The following CHD6 variants were observed in gnomAD, a reference collection of about 807,000 sequenced individuals.
CHD6 encodes the protein chromodomain helicase DNA binding protein 6, also known as ATP-dependent chromatin remodeler CHD6.
Under a neutral mutation model 276.9 loss-of-function variants are expected in CHD6, and 50 were observed. The ratio of observed to expected loss-of-function variants is 0.18; its 90% CI spans 0.14 to 0.23. CHD6 has a LOEUF of 0.23. CHD6 is among the 10% of genes least tolerant of loss of function. The pLI is 1.00. For missense variants in CHD6, 2,564 were observed against 3,365.8 expected (o/e 0.76, Z 5.89); for synonymous variants, 1,173 against 1,229.3 (o/e 0.95, Z 0.96).
At chr20:41,431,430 A>G (rs774450599) in intron 27 of CHD6, among the ~76,000 whole-genome samples, 33 of 152,212 alleles carry the variant, frequency 2.2e-4, no homozygotes, top group Non-Finnish European at 4.4e-4. Context: ...CAGGAGAAGA[A>G]GAGGGAGGAC....
intron 17 of CHD6, among the ~76,000 whole-genome samples, chr20:41,460,950 C>T (rs2048528037): frequency 6.6e-6 from 1 of 152,164 alleles, no homozygotes; most frequent in Non-Finnish European, 1.5e-5. Flanking sequence ...GAGGCTGTAC[C>T]CTGCAAAGGC....
intron 17 of CHD6, among the ~76,000 whole-genome samples, chr20:41,471,938 T>C (rs1038990421): frequency 6.6e-6 from 1 of 152,016 alleles, no homozygotes; most frequent in Non-Finnish European, 1.5e-5. Context: ...ACTCATTAAA[T>C]GAAAAAGACA....
At chr20:41,458,653 A>G (rs1012096077) in intron 17 of CHD6, among the ~76,000 whole-genome samples, 1 of 152,206 alleles carries the variant, frequency 6.6e-6, no homozygotes, top group Non-Finnish European at 1.5e-5. Context: ...TTTGTATGTT[A>G]TATCAAAGAC....
chr20:41,582,261 T>C (rs1325983428), intron 1 of CHD6, among the ~76,000 whole-genome samples: 1 of 152,166 alleles, frequency 6.6e-6, no homozygotes, highest in Non-Finnish European at 1.5e-5. Context: ...CAAATGTCAT[T>C]TGATGCAAGA....
intron 3 of CHD6, among the ~76,000 whole-genome samples, chr20:41,517,088 C>T (rs1310065656): frequency 1.3e-5 from 2 of 152,200 alleles, no homozygotes; most frequent in Non-Finnish European, 2.9e-5. Flanking sequence ...AGCACAAACT[C>T]TGCCCAGCTT....
chr20:41,584,954 G>A (rs1290818674), intron 1 of CHD6, among the ~76,000 whole-genome samples: 1 of 151,942 alleles, frequency 6.6e-6, no homozygotes, highest in Admixed American at 6.6e-5. Context: ...GAAAATCAAT[G>A]AAATTAAGAA....
intron 27 of CHD6, among the ~76,000 whole-genome samples, chr20:41,435,632 G>T (rs1196301980): frequency 6.7e-6 from 1 of 149,668 alleles, no homozygotes; most frequent in Non-Finnish European, 1.5e-5. Context: ...AGTAAATGCA[G>T]AGGTATATAC....
intron 17 of CHD6, among the ~76,000 whole-genome samples, chr20:41,465,080 T>C (rs1057432069): frequency 1.3e-5 from 2 of 152,156 alleles, no homozygotes; most frequent in African/African-American, 4.8e-5. Context: ...ATGATGAGAA[T>C]AGAAAACTAC....
rs115719680 is a variant in CHD6 at position 41,460,833 on chromosome 20, G to C, written c.2665-3405C>G. Among the ~76,000 whole-genome samples, 660 of 152,266 alleles carry C rather than the reference G, an allele frequency of 4.3e-3. 5 individuals are homozygous for C. Among genetic ancestry groups the C allele is most frequent in the African/African-American group, 0.015 (634 of 41,560 alleles). Reference sequence around the variant, plus strand: ...TGGCTAGTGGAGCTGTGAGAAGAGGGGCACCATCCTCCAGACCCAGAACTG... The same window carrying C: ...TGGCTAGTGGAGCTGTGAGAAGAGGCGCACCATCCTCCAGACCCAGAACTG... On this transcript the variant is annotated intron_variant, in intron 17 of 36. Transcript: ENST00000373233.
At chr20:41,543,420 C>T (rs1285539679) in intron 2 of CHD6, among the ~76,000 whole-genome samples, 3 of 152,150 alleles carry the variant, frequency 2.0e-5, no homozygotes, top group Non-Finnish European at 4.4e-5. Flanking sequence ...TCTAACCAAC[C>T]TCTATTTTGT....
chr20:41,441,060 C>G (rs931892717), intron 25 of CHD6, among the ~76,000 whole-genome samples: 1 of 152,228 alleles, frequency 6.6e-6, no homozygotes, highest in African/African-American at 2.4e-5. Context: ...CACAGTGGCT[C>G]TCCTGCCATC....
At chr20:41,435,158 A>G (rs1012748541) in intron 27 of CHD6, among the ~76,000 whole-genome samples, 1 of 152,238 alleles carries the variant, frequency 6.6e-6, no homozygotes, top group Admixed American at 6.5e-5. Context: ...AAAAAAATAC[A>G]TTAAACTGAA....
chr20:41,616,458 A>G (rs1337148746), intron 1 of CHD6, among the ~76,000 whole-genome samples: 2 of 152,222 alleles, frequency 1.3e-5, no homozygotes, highest in Non-Finnish European at 2.9e-5. Flanking sequence ...GCCAGACTAC[A>G]CCAAGAACAG....
intron 1 of CHD6, among the ~76,000 whole-genome samples, chr20:41,556,671 G>A (rs2045242420): frequency 6.6e-6 from 1 of 152,148 alleles, no homozygotes; most frequent in South Asian, 2.1e-4. Flanking sequence ...CAAATCTCAT[G>A]TTACTGTCAA....
intron 24 of CHD6, 129 bp from the exon 25 acceptor site, chr20:41,445,897 G>A (rs2048052126): frequency 1.7e-6 from 1 of 600,680 alleles, no homozygotes; most frequent in Admixed American, 2.8e-5. Context: ...GGAAGGCTGT[G>A]GGTCATTGTT....
intron 13 of CHD6, 95 bp downstream of exon 13, chr20:41,488,333 G>A: frequency 8.9e-7 from 1 of 1,123,374 alleles, no homozygotes; most frequent in Non-Finnish European, 1.3e-6. Flanking sequence ...AAAACGACTA[G>A]GCAGAAATAA....
chr20:41,580,623 G>T (rs1460374848), intron 1 of CHD6, among the ~76,000 whole-genome samples: 1 of 130,004 alleles, frequency 7.7e-6, no homozygotes, highest in East Asian at 2.5e-4. Context: ...TTATGCCTGG[G>T]TGACACAGTG....
chr20:41,506,264 G>A (rs938277295), intron 5 of CHD6, among the ~76,000 whole-genome samples: 34 of 152,104 alleles, frequency 2.2e-4, no homozygotes, highest in African/African-American at 6.5e-4. Context: ...TGCTTAAAAC[G>A]CTTCTCTTTT....
Position 41,416,779 on chromosome 20 carries a change from T to G in CHD6, c.6295A>C (p.Asn2099His). The G allele has an allele frequency of 1.3e-6, 2 of 1,587,582 alleles. No homozygotes were observed. The highest frequency in any genetic ancestry group is 1.7e-6 in the Non-Finnish European group (2 of 1,164,254). The stretch of plus-strand genomic sequence containing the variant: ...ACGTGGCAGATATTATCTAGGCGGT[T>G]AATTATCACGCGGTCCTAGAAAAAA... ...SEWPKDRVIINRLDNICHVVL... is the reference protein window; with the variant it reads ...SEWPKDRVIIHRLDNICHVVL... The change falls in exon 33 of 37, where the codon AAC (asparagine) becomes CAC (histidine). Residue 2099 changes from asparagine to histidine, a missense_variant. Asn to His is a moderately conservative substitution (Grantham distance 68). Around this residue, in one of 7 missense-constraint regions of CHD6, gnomAD observed 1,024 missense variants for 1,047.9 expected, o/e 0.98. Transcript: ENST00000373233.
Sources: gnomAD v4.1 joint callset for allele counts (sites outside exome capture counted in the v4.1 genomes callset) on GRCh38, gnomAD v4.1.1 for gene constraint, gnomAD v4.1.1 regional missense constraint, MANE v1.5 for transcripts, NCBI Gene and HGNC (gene_info 2026-07-23, HGNC 2026-07-21) for gene names.